PON1: variants seen among roughly 807,000 people sequenced by gnomAD.
The protein encoded by PON1 is serum paraoxonase/arylesterase 1.
A neutral mutation model predicts 39.2 loss-of-function variants in PON1; 37 were observed. The ratio of observed to expected loss-of-function variants is 0.94; its 90% CI spans 0.73 to 1.24. PON1 has a LOEUF of 1.24. PON1 is among the 50% of genes most tolerant of loss of function. The pLI is 0.00. For synonymous variants in PON1, 148 were observed against 152.2 expected (o/e 0.97, Z 0.21); for missense variants, 397 against 413.5 (o/e 0.96, Z 0.35).
rs201546195 is a variant in PON1 at position 95,311,582 on chromosome 7, G to C, written c.371-5C>G. ...CCAGGAGGTACATGGCATTATCTGA[G>C]AGGAGATTAAAAACAAAAATGAAAC... On this transcript the variant is annotated splice_polypyrimidine_tract_variant and splice_region_variant and intron_variant, in intron 4 of 8. Transcript: ENST00000222381. The C allele has an allele frequency of 7.4e-6, 12 of 1,614,072 alleles. No individual in the cohort carries two copies. Among genetic ancestry groups the C allele is most frequent in the African/African-American group, 1.3e-5 (1 of 75,026 alleles).
intron 6 of PON1, among the ~76,000 whole-genome samples, 177 bp downstream of exon 6, chr7:95,307,834 A>T (rs1049904271): frequency 2.0e-5 from 3 of 152,186 alleles, no homozygotes; most frequent in African/African-American, 7.2e-5. Context: ...TTCACAATGA[A>T]ATTTTTGATT....
chr7:95,302,123 C>CAAAAAAAAAAAAAAAA (rs1198986302), intron 8 of PON1, 82 bp downstream of exon 8: 57 of 460,336 alleles, frequency 1.2e-4, no homozygotes, highest in East Asian at 8.1e-4. Context: ...AAAAAAAAAC[C>CAAAAAAAAAAAAAAAA]AAGAATTGAG....
chr7:95,299,408 G>T (rs531942171), intron 8 of PON1, among the ~76,000 whole-genome samples: 1 of 152,226 alleles, frequency 6.6e-6, no homozygotes, highest in East Asian at 1.9e-4. Flanking sequence ...TAAATGTGGA[G>T]GGAGGAAGCT....
At chr7:95,312,498 T>C (rs1275402369) in intron 4 of PON1, among the ~76,000 whole-genome samples, 1 of 152,252 alleles carries the variant, frequency 6.6e-6, no homozygotes, top group African/African-American at 2.4e-5. Context: ...GTTTAATTTA[T>C]TTTAGTTGGC....
At position 95,299,105 on chromosome 7, in the gene PON1, G is replaced by A; in HGVS notation, c.910-3C>T. 1.2e-6 allele frequency: 2 copies of A among 1,613,654 alleles called. No homozygotes were observed. The highest frequency in any genetic ancestry group is 1.6e-4 in the Middle Eastern group (1 of 6,062). On this transcript the variant is annotated splice_region_variant and splice_polypyrimidine_tract_variant and intron_variant, in intron 8 of 8. Coordinates refer to ENST00000222381, the MANE Select transcript of PON1 (RefSeq NM_000446.7). ...AGAATGTTCTGGATTCGAAGCACCT[G>A]TGGAAGAAATAACATTGGGTTAATA...
At chr7:95,323,897 A>T (rs1807953583) in intron 1 of PON1, among the ~76,000 whole-genome samples, 1 of 152,176 alleles carries the variant, frequency 6.6e-6, no homozygotes, top group East Asian at 1.9e-4. Flanking sequence ...GAACCATCAC[A>T]GCACACGTTA....
At chr7:95,304,117 C>G (rs1035120525) in intron 7 of PON1, among the ~76,000 whole-genome samples, 3 of 152,128 alleles carry the variant, frequency 2.0e-5, no homozygotes, top group Admixed American at 1.3e-4. Context: ...AAATCCTGTA[C>G]CCATTAAACA....
Position 95,315,316 on chromosome 7 carries a change from T to TTATTAAATA in PON1, c.370+5_370+6insTATTTAATA. 5 of 1,609,796 alleles carry TTATTAAATA rather than the reference T, an allele frequency of 3.1e-6. No individual in the cohort carries two copies. Among genetic ancestry groups the TTATTAAATA allele is most frequent in the Non-Finnish European group, 4.2e-6 (5 of 1,176,574 alleles). On this transcript the variant is annotated splice_donor_region_variant and intron_variant, in intron 4 of 8. Transcript: ENST00000222381. ...TTTGGTTTTAATAAATAGTAAATAT[T>TTATTAAATA]GTTACCTTCATCTGTGAATGTGCTA...
chr7:95,312,062 C>T (rs144655929), intron 4 of PON1, among the ~76,000 whole-genome samples: 51 of 152,274 alleles, frequency 3.3e-4, no homozygotes, highest in Admixed American at 1.6e-3. Flanking sequence ...TTTAAGAACA[C>T]AAAGGTGACC....
chr7:95,306,823 A>G (rs1337175106), intron 6 of PON1, among the ~76,000 whole-genome samples: 2 of 152,042 alleles, frequency 1.3e-5, no homozygotes, highest in East Asian at 3.9e-4. Flanking sequence ...GATCAAGAGA[A>G]GTCTTCCTCC....
chr7:95,318,481 T>G, intron 1 of PON1, 88 bp from the exon 2 acceptor site: 1 of 1,227,134 alleles, frequency 8.1e-7, no homozygotes, highest in Non-Finnish European at 1.2e-6. Context: ...AAAGTTCTCC[T>G]TCACTGTACT....
chr7:95,321,801 T>C (rs964876702), intron 1 of PON1, among the ~76,000 whole-genome samples: 1 of 152,204 alleles, frequency 6.6e-6, no homozygotes, highest in African/African-American at 2.4e-5. Flanking sequence ...TGATGCTTTG[T>C]AGCTTCTCCA....
At chr7:95,316,613 A>C (rs1807774749) in intron 3 of PON1, 121 bp downstream of exon 3, 1 of 864,220 alleles carries the variant, frequency 1.2e-6, no homozygotes. Flanking sequence ...TGTCTTTTAA[A>C]CCATGACTGT....
rs1211907466 is a variant in PON1 at position 95,302,263 on chromosome 7, C to T, written c.851G>A (p.Cys284Tyr). 1.9e-6 allele frequency: 3 copies of T among 1,608,860 alleles called. No individual in the cohort carries two copies. Among genetic ancestry groups the T allele is most frequent in the Non-Finnish European group, 2.6e-6 (3 of 1,175,472 alleles). Residue 284 changes from cysteine (C) to tyrosine (Y), a missense_variant, in exon 8 of 9, where the codon TGC becomes TAC. Cys to Tyr is a radical substitution (Grantham distance 194, BLOSUM62 -2). Transcript: ENST00000222381. The stretch of plus-strand genomic sequence containing the variant: ...GAAGATTTTCATGCCATTGGGATGG[C>T]ATCCAACCCAAAGGTCTCCTGTCTC... ...DPETGDLWVG[C>Y]HPNGMKIFFY...
At chr7:95,319,282 G>A (rs1474622244) in intron 1 of PON1, among the ~76,000 whole-genome samples, 4 of 152,004 alleles carry the variant, frequency 2.6e-5, no homozygotes, top group Admixed American at 2.6e-4. Flanking sequence ...GGAGGCGGAT[G>A]GGCTACAGGC....
At chr7:95,322,346 G>GTATATATATATA (rs753285630) in intron 1 of PON1, among the ~76,000 whole-genome samples, 3 of 136,176 alleles carry the variant, frequency 2.2e-5, no homozygotes, top group Non-Finnish European at 1.5e-5. Context: ...GTGTGTGTGT[G>GTATATATATATA]TGTGTATATA....
intron 3 of PON1, 144 bp from the exon 4 acceptor site, chr7:95,315,634 C>G: frequency 1.2e-6 from 1 of 844,066 alleles, no homozygotes; most frequent in South Asian, 1.5e-5. Context: ...TCTTAGTTAG[C>G]TTCTGTAATG....
chr7:95,317,505 A>G (rs1047386485), intron 2 of PON1, among the ~76,000 whole-genome samples: 4 of 145,400 alleles, frequency 2.8e-5, no homozygotes, highest in Non-Finnish European at 4.5e-5. Flanking sequence ...AGTGAAATTT[A>G]GTGGTACTAA....
intron 8 of PON1, 143 bp downstream of exon 8, chr7:95,302,062 A>C (rs999253496): frequency 1.2e-5 from 10 of 826,032 alleles, no homozygotes; most frequent in Non-Finnish European, 1.8e-5. Context: ...GCGCCACTGC[A>C]CTCCAGCCTG....
Sources: gnomAD v4.1 joint callset for allele counts (sites outside exome capture counted in the v4.1 genomes callset) on GRCh38, gnomAD v4.1.1 for gene constraint, MANE v1.5 for transcripts, NCBI Gene and HGNC (gene_info 2026-07-23, HGNC 2026-07-21) for gene names.